The following KCNC2 variants were observed in gnomAD, a reference collection of about 807,000 sequenced individuals.
KCNC2 encodes the protein voltage-gated potassium channel KCNC2.
Under a neutral mutation model 44.5 loss-of-function variants are expected in KCNC2, and 21 were observed. The observed-to-expected ratio is 0.47, with a 90% CI of 0.33 to 0.68. The LOEUF (loss-of-function observed/expected upper bound fraction) is 0.68, where lower values mean the gene tolerates loss of function less well. KCNC2 is among the 30% of genes least tolerant of loss of function. The probability of loss-of-function intolerance (pLI) is 0.01; values close to 1 mark genes in which losing one functional copy is unlikely to be tolerated. For synonymous variants in KCNC2, 391 were observed against 339.1 expected (o/e 1.15, Z -1.68); for missense variants, 589 against 826.2 (o/e 0.71, Z 3.52).
intron 2 of KCNC2, among the ~76,000 whole-genome samples, chr12:75,108,024 AG>A: frequency 6.6e-6 from 1 of 152,236 alleles, no homozygotes; most frequent in Non-Finnish European, 1.5e-5. Flanking sequence ...AATCGTCCTT[AG>A]GCCTATGACC....
At chr12:75,195,344 T>C (rs1308119090) in intron 2 of KCNC2, among the ~76,000 whole-genome samples, 3 of 152,218 alleles carry the variant, frequency 2.0e-5, no homozygotes, top group Non-Finnish European at 4.4e-5. Flanking sequence ...AGGTAGTTTA[T>C]ACAGAAATAT....
chr12:75,171,922 T>A (rs192518962), intron 2 of KCNC2, among the ~76,000 whole-genome samples: 1 of 151,584 alleles, frequency 6.6e-6, no homozygotes, highest in East Asian at 2.0e-4. Context: ...TTAAAAAGGG[T>A]TTTTTAAATT....
intron 2 of KCNC2, among the ~76,000 whole-genome samples, chr12:75,072,637 A>T (rs560347268): frequency 9.3e-5 from 14 of 151,004 alleles, no homozygotes; most frequent in African/African-American, 2.9e-4. Context: ...AGTCCCATAT[A>T]AAAAAAAAGG....
At chr12:75,185,194 G>A (rs1892852895) in intron 2 of KCNC2, among the ~76,000 whole-genome samples, 2 of 152,156 alleles carry the variant, frequency 1.3e-5, no homozygotes, top group Non-Finnish European at 2.9e-5. Flanking sequence ...AGGTAGTAGA[G>A]TATGGAATTA....
At chr12:75,084,294 A>AGATAGATAGAT (rs1565840433) in intron 2 of KCNC2, among the ~76,000 whole-genome samples, 108 of 122,834 alleles carry the variant, frequency 8.8e-4, no homozygotes, top group African/African-American at 2.9e-3. Flanking sequence ...GATAGATGAT[A>AGATAGATAGAT]GATAGATAGA....
At position 75,207,962 on chromosome 12, in the gene KCNC2, C is replaced by G. The variant is rs1340236125; in HGVS notation, c.22G>C (p.Glu8Gln). The G allele has an allele frequency of 1.1e-5, 17 of 1,612,482 alleles. No individual in the cohort carries two copies. Among genetic ancestry groups the G allele is most frequent in the African/African-American group, 2.7e-5 (2 of 74,870 alleles). The part of the protein sequence containing the change: MGKIENN[E>Q]RVILNVGGTR... ...CCCCCGACATTGAGGATCACCCTCT[C>G]GTTGTTCTCGATCTTGCCCATCTCT... Residue 8 changes from glutamate (E) to glutamine (Q), a missense_variant, in exon 2 of 5, where the codon GAG becomes CAG. Transcript: ENST00000549446. This position sits in a 1 kb window ranked among gnomAD's most constrained non-coding sequence, Gnocchi z 4.1.
At chr12:75,069,127 A>ATTTTTTTTTTTTTTTTTTTT (rs1231157819) in intron 2 of KCNC2, among the ~76,000 whole-genome samples, 1 of 33,896 alleles carries the variant, frequency 3.0e-5, no homozygotes, top group Non-Finnish European at 6.4e-5. Flanking sequence ...ATTTTATATA[A>ATTTTTTTTTTTTTTTTTTTT]TCTTTTTTTT....
chr12:75,082,255 G>C (rs1884582116), intron 2 of KCNC2, among the ~76,000 whole-genome samples: 1 of 151,684 alleles, frequency 6.6e-6, no homozygotes, highest in Non-Finnish European at 1.5e-5. Context: ...AGAAGGGATT[G>C]GAGTTATCTA....
At chr12:75,075,452 T>A (rs1315562546) in intron 2 of KCNC2, among the ~76,000 whole-genome samples, 1 of 20,002 alleles carries the variant, frequency 5.0e-5, no homozygotes, top group East Asian at 2.2e-3. Flanking sequence ...GAGAAATATA[T>A]ATATACATAT....
chr12:75,133,015 A>T (rs539720028), intron 2 of KCNC2, among the ~76,000 whole-genome samples: 1 of 152,186 alleles, frequency 6.6e-6, no homozygotes, highest in Non-Finnish European at 1.5e-5. Flanking sequence ...GAATCACTAT[A>T]AATTCTGGAT....
intron 2 of KCNC2, among the ~76,000 whole-genome samples, chr12:75,068,611 A>C (rs1318080409): frequency 2.6e-5 from 4 of 152,172 alleles, no homozygotes; most frequent in African/African-American, 9.7e-5. Context: ...ACTGACAAAA[A>C]GATCATATTT....
At chr12:75,174,172 C>T (rs1480078015) in intron 2 of KCNC2, among the ~76,000 whole-genome samples, 4 of 150,906 alleles carry the variant, frequency 2.7e-5, no homozygotes, top group Non-Finnish European at 4.4e-5. Context: ...TTTACAATCA[C>T]GGTGTATTTT....
intron 2 of KCNC2, among the ~76,000 whole-genome samples, chr12:75,143,730 A>G (rs1889819416): frequency 6.6e-6 from 1 of 152,150 alleles, no homozygotes; most frequent in Non-Finnish European, 1.5e-5. Flanking sequence ...CTAGAACTGT[A>G]TTTTTAAAAA....
chr12:75,080,808 G>A (rs1884429686), intron 2 of KCNC2, among the ~76,000 whole-genome samples: 1 of 151,906 alleles, frequency 6.6e-6, no homozygotes, highest in Non-Finnish European at 1.5e-5. Context: ...ATGTGCATGT[G>A]CCGTGATGGG....
At chr12:75,114,856 CTTTTTTTTTTT>C (rs754820554) in intron 2 of KCNC2, among the ~76,000 whole-genome samples, 3 of 86,542 alleles carry the variant, frequency 3.5e-5, no homozygotes, top group East Asian at 7.5e-4. Flanking sequence ...TCAACTTCTA[CTTTTTTTTTTT>C]TTTTTTTTTT....
At chr12:75,145,692 T>G (rs1889972128) in intron 2 of KCNC2, among the ~76,000 whole-genome samples, 1 of 152,106 alleles carries the variant, frequency 6.6e-6, no homozygotes, top group African/African-American at 2.4e-5. Flanking sequence ...AAAGATAATT[T>G]CTAGTGTCTT....
chr12:75,076,003 T>C lies in KCNC2; in HGVS notation c.688-24686A>G, dbSNP rs73185179. 3.1e-3 allele frequency among the ~76,000 whole-genome samples: 467 copies of C among 151,968 alleles called. 1 individual carries two copies. Among genetic ancestry groups the C allele is most frequent in the Non-Finnish European group, 5.6e-3 (380 of 67,968 alleles). The stretch of plus-strand genomic sequence containing the variant: ...AGATTTTTCAAATGGAAATGTTGTA[T>C]ACATATCTTGGCTTAATGCCTTATT... On this transcript the variant is annotated intron_variant, in intron 2 of 4. Transcript: ENST00000549446.
intron 2 of KCNC2, among the ~76,000 whole-genome samples, chr12:75,161,287 A>G (rs910761101): frequency 1.3e-5 from 2 of 151,748 alleles, no homozygotes; most frequent in Non-Finnish European, 2.9e-5. Context: ...CTGTACATAT[A>G]ATACTAGAAA....
intron 2 of KCNC2, among the ~76,000 whole-genome samples, chr12:75,064,272 T>A (rs1882612194): frequency 6.6e-6 from 1 of 152,056 alleles, no homozygotes; most frequent in Non-Finnish European, 1.5e-5. Context: ...ATTATTATAA[T>A]CTCTCTTATT....
Sources: allele counts gnomAD v4.1 joint callset (sites outside exome capture counted in the v4.1 genomes callset), GRCh38; gene constraint gnomAD v4.1.1; non-coding constraint Gnocchi (gnomAD v3.1); transcripts MANE v1.5; gene names NCBI Gene and HGNC (gene_info 2026-07-23, HGNC 2026-07-21).